THOC5: variants seen among roughly 807,000 people sequenced by gnomAD.
THOC5 encodes the protein THO complex subunit 5.
THOC5 carries 43 observed loss-of-function variants against 92.9 expected under a neutral mutation model. The observed-to-expected ratio is 0.46, with a 90% CI of 0.36 to 0.60. THOC5 has a LOEUF of 0.60. Among genes scored for constraint, THOC5 ranks in the 20% least tolerant of loss-of-function variants. The pLI is 0.00. For synonymous variants in THOC5, 296 were observed against 320.1 expected (o/e 0.92, Z 0.80); for missense variants, 659 against 849.4 (o/e 0.78, Z 2.79).
Position 29,531,946 on chromosome 22 carries a change from C to T in THOC5, c.732G>A (p.Gln244=), listed in dbSNP as rs2063664010. ...GGTCGAATGGCATAAACAGGTACTC[C>T]TGCACCGGAAGGGAAGCCTGCACAC... ...NSIMQASLPV[Q]EYLFMPFDQA... Residue 244 remains glutamine, a synonymous_variant, in exon 8 of 20, where the codon CAG becomes CAA. Coordinates refer to ENST00000490103, the MANE Select transcript of THOC5 (RefSeq NM_003678.5). 1 of 1,614,018 alleles carries T rather than the reference C, an allele frequency of 6.2e-7. No homozygotes were observed. The highest frequency in any genetic ancestry group is 8.5e-7 in the Non-Finnish European group (1 of 1,180,022).
chr22:29,541,878 A>T (rs375674549), intron 5 of THOC5, among the ~76,000 whole-genome samples: 21,100 of 96,788 alleles, frequency 0.22, 2,692 homozygotes, highest in East Asian at 0.5. Flanking sequence ...AAAAAAAAAA[A>T]AAAAAAAAAA....
chr22:29,531,227 G>A, intron 8 of THOC5: 1 of 1,050,988 alleles, frequency 9.5e-7, no homozygotes, highest in Non-Finnish European at 1.2e-6. Context: ...GCAAGCACTG[G>A]TGCGGTGTAT....
intron 13 of THOC5, among the ~76,000 whole-genome samples, 195 bp downstream of exon 13, chr22:29,520,803 G>A (rs1459313923): frequency 6.6e-6 from 1 of 152,118 alleles, no homozygotes; most frequent in Non-Finnish European, 1.5e-5. Context: ...GCATGTTTCC[G>A]AGTTTTGATC....
chr22:29,542,394 T>C (rs2063915434), intron 5 of THOC5, among the ~76,000 whole-genome samples: 1 of 152,150 alleles, frequency 6.6e-6, no homozygotes, highest in African/African-American at 2.4e-5. Context: ...CGGCTTGCAA[T>C]TCTCCCACAT....
Position 29,526,360 on chromosome 22 carries a change from G to A in THOC5, c.1067-414C>T, listed in dbSNP as rs527591307. ...ATCCTGGCTAACACAGTGAAACCCCGTCTCTACTAAAAATACAAAAAATCA... is the reference window on the plus strand; with the variant it reads ...ATCCTGGCTAACACAGTGAAACCCCATCTCTACTAAAAATACAAAAAATCA... On this transcript the variant is annotated intron_variant, in intron 11 of 19. Coordinates refer to ENST00000490103, the MANE Select transcript of THOC5 (RefSeq NM_003678.5). 7.2e-4 allele frequency among the ~76,000 whole-genome samples: 109 copies of A among 151,962 alleles called. 1 individual carries two copies. The highest frequency in any genetic ancestry group is 3.4e-3 in the Middle Eastern group (1 of 294).
chr22:29,532,209 C>T (rs930052663), intron 7 of THOC5, among the ~76,000 whole-genome samples: 2 of 152,188 alleles, frequency 1.3e-5, no homozygotes, highest in African/African-American at 2.4e-5. Flanking sequence ...CCCATAGTCC[C>T]AGCACTTTGG....
At chr22:29,511,347 G>A in intron 18 of THOC5, 51 bp from the exon 19 acceptor site, 1 of 1,570,072 alleles carries the variant, frequency 6.4e-7, no homozygotes, top group South Asian at 1.1e-5. Context: ...GCATGTGGGG[G>A]ACCACACTGG....
intron 14 of THOC5, among the ~76,000 whole-genome samples, chr22:29,519,596 C>T (rs2063399624): frequency 6.6e-6 from 1 of 151,096 alleles, no homozygotes. Flanking sequence ...TGAGGGGACA[C>T]ATTCTGCCAG....
At chr22:29,549,955 C>T (rs2064108081) in intron 1 of THOC5, among the ~76,000 whole-genome samples, 2 of 152,120 alleles carry the variant, frequency 1.3e-5, no homozygotes, top group African/African-American at 4.8e-5. Flanking sequence ...TTTGGGTACA[C>T]TATTAGGGAA....
Position 29,520,041 on chromosome 22 carries a change from C to T in THOC5, c.1341G>A (p.Leu447=), listed in dbSNP as rs2063409401. ...LGHPYLWVQK[L]GGLHFPKEQP... ...GCTCTTTGGGGAAGTGGAGGCCACCCAGCTTCTGCACCCACAAATAGGGGT... is the reference window on the plus strand; with the variant it reads ...GCTCTTTGGGGAAGTGGAGGCCACCTAGCTTCTGCACCCACAAATAGGGGT... Residue 447 remains leucine, a synonymous_variant, in exon 14 of 20, where the codon CTG becomes CTA. Transcript: ENST00000490103. The T allele has an allele frequency of 1.9e-6, 3 of 1,613,890 alleles. No homozygotes were observed. The highest frequency in any genetic ancestry group is 2.5e-6 in the Non-Finnish European group (3 of 1,179,942).
intron 1 of THOC5, among the ~76,000 whole-genome samples, chr22:29,552,661 T>TG (rs1295957373): frequency 8.1e-5 from 12 of 148,700 alleles, no homozygotes; most frequent in African/African-American, 2.5e-4. Flanking sequence ...GTCCGGGAGG[T>TG]GGGGGGCGCC....
chr22:29,538,696 C>T (rs1410999138), intron 6 of THOC5, among the ~76,000 whole-genome samples: 1 of 146,540 alleles, frequency 6.8e-6, no homozygotes, highest in African/African-American at 2.5e-5. Flanking sequence ...ACTTGGGAGG[C>T]TGAGGCAGAA....
intron 17 of THOC5, among the ~76,000 whole-genome samples, chr22:29,512,637 C>T (rs1170172135): frequency 2.0e-5 from 3 of 152,262 alleles, no homozygotes; most frequent in African/African-American, 4.8e-5. Context: ...TACTGTATCC[C>T]AGGCACTGTG....
intron 12 of THOC5, 24 bp downstream of exon 12, chr22:29,525,814 T>C (rs546953074): frequency 1.2e-5 from 19 of 1,595,674 alleles, no homozygotes; most frequent in African/African-American, 4.0e-5. Flanking sequence ...CCGCACGTCA[T>C]TGCCCAGAGC....
intron 18 of THOC5, 106 bp from the exon 19 acceptor site, chr22:29,511,402 AG>A (rs949912772): frequency 2.2e-5 from 29 of 1,297,696 alleles, no homozygotes; most frequent in Non-Finnish European, 2.8e-5. Context: ...ATGCCTCTGC[AG>A]GGGCTGGGCC....
intron 2 of THOC5, among the ~76,000 whole-genome samples, chr22:29,544,879 T>A (rs2063982722): frequency 6.6e-6 from 1 of 152,196 alleles, no homozygotes; most frequent in South Asian, 2.1e-4. Flanking sequence ...TGCCTATAAT[T>A]TCGCCTCTCA....
chr22:29,511,089 C>G lies in THOC5; in HGVS notation c.1988+17G>C. The G allele has an allele frequency of 1.2e-6, 2 of 1,609,746 alleles. No homozygotes were observed. Among genetic ancestry groups the G allele is most frequent in the South Asian group, 1.1e-5 (1 of 90,730 alleles). ...CATCACCATGAGAAGTCACCAGAGC[C>G]CCAACCCTCTCCTCACCTGAAGAGC... On this transcript the variant is annotated intron_variant, in intron 19 of 19. Transcript: ENST00000490103.
intron 6 of THOC5, among the ~76,000 whole-genome samples, chr22:29,538,667 G>A (rs768354149): frequency 2.6e-5 from 4 of 151,774 alleles, no homozygotes; most frequent in Non-Finnish European, 4.4e-5. Flanking sequence ...CATGGTGGCA[G>A]GCACCCATAG....
chr22:29,544,728 T>A, intron 2 of THOC5, 125 bp from the exon 3 acceptor site: 2 of 973,732 alleles, frequency 2.1e-6, no homozygotes, highest in Non-Finnish European at 2.9e-6. Flanking sequence ...GTCAGGTCTC[T>A]AAAAGATCTG....
Sources: allele counts gnomAD v4.1 joint callset (sites outside exome capture counted in the v4.1 genomes callset), GRCh38; gene constraint gnomAD v4.1.1; transcripts MANE v1.5; gene names NCBI Gene and HGNC (gene_info 2026-07-23, HGNC 2026-07-21).